Variants in PDXK observed in about 807,000 individuals in gnomAD.
The protein encoded by PDXK is pyridoxal kinase, also known as epididymis secretory sperm binding protein Li 1a.
A neutral mutation model predicts 43.2 loss-of-function variants in PDXK; 15 were observed. The observed-to-expected ratio is 0.35, with a 90% confidence interval of 0.23 to 0.53. PDXK has a LOEUF of 0.53. Among genes scored for constraint, PDXK ranks in the 20% least tolerant of loss-of-function variants. PDXK has a pLI of 0.92. For synonymous variants in PDXK, 172 were observed against 165.4 expected (o/e 1.04, Z -0.31); for missense variants, 343 against 417.0 (o/e 0.82, Z 1.54).
intron 6 of PDXK, among the ~76,000 whole-genome samples, chr21:43,749,296 G>T (rs140056797): frequency 0.022 from 3,422 of 152,170 alleles, 132 homozygotes; most frequent in African/African-American, 0.076. Context: ...GTAGTGACGG[G>T]GTTTCACCAT....
At chr21:43,725,484 C>G (rs1014865460) in intron 1 of PDXK, among the ~76,000 whole-genome samples, 1 of 152,058 alleles carries the variant, frequency 6.6e-6, no homozygotes, top group African/African-American at 2.4e-5. Flanking sequence ...TAACATTTTT[C>G]AAGGTGACAT....
At chr21:43,745,827 T>C in intron 4 of PDXK, 2 of 528,678 alleles carry the variant, frequency 3.8e-6, no homozygotes, top group Non-Finnish European at 6.9e-6. Context: ...TGAGAACCCA[T>C]CTGTACAAAT....
At chr21:43,743,011 C>T (rs944010975) in intron 3 of PDXK, among the ~76,000 whole-genome samples, 4 of 152,258 alleles carry the variant, frequency 2.6e-5, no homozygotes, top group Middle Eastern at 3.4e-3. Context: ...CGGGTCTGCC[C>T]TCCGTGTCTT....
chr21:43,740,350 C>T lies in PDXK; in HGVS notation c.143-1317C>T, dbSNP rs2299808. 7.4e-3 allele frequency among the ~76,000 whole-genome samples: 1,130 copies of T among 152,234 alleles called. 52 individuals are homozygous for T. Among genetic ancestry groups the T allele is most frequent in the Admixed American group, 0.051 (780 of 15,300 alleles). The stretch of plus-strand genomic sequence containing the variant: ...GGGATCTTAGCCACAGGGCATGGCG[C>T]GTGGGCGCAGAGCCGGCCGTGACCC... On this transcript the variant is annotated intron_variant, in intron 2 of 10. Transcript: ENST00000291565.
At chr21:43,736,977 C>A in intron 2 of PDXK, 1 of 702,084 alleles carries the variant, frequency 1.4e-6, no homozygotes, top group South Asian at 1.5e-5. Flanking sequence ...CTCTGTCGCC[C>A]AGGCTGGCGT....
rs367592470 is a variant in PDXK at position 43,756,040 on chromosome 21, G to A, written c.916G>A (p.Val306Ile). ...SKRDIEDPEIVVQATVL is the reference protein window; with the variant it reads ...SKRDIEDPEIIVQATVL ...AAGGGACATCGAGGACCCAGAGATC[G>A]TCGTCCAGGCCACGGTGCTGTGAGG... Residue 306 changes from valine to isoleucine, a missense_variant, in exon 11 of 11, where the codon GTC becomes ATC. Val to Ile is a conservative substitution (Grantham distance 29). Transcript: ENST00000291565. 4.3e-6 allele frequency: 7 copies of A among 1,610,570 alleles called. No homozygotes were observed. The highest frequency in any genetic ancestry group is 2.7e-5 in the African/African-American group (2 of 74,982).
Position 43,741,691 on chromosome 21 carries a change from T to A in PDXK, c.167T>A (p.Val56Glu). 2 of 1,612,876 alleles carry A rather than the reference T, an allele frequency of 1.2e-6. No individual in the cohort carries two copies. Among genetic ancestry groups the A allele is most frequent in the Non-Finnish European group, 1.7e-6 (2 of 1,179,214 alleles). Reference sequence around the variant, plus strand: ...GGCTATGCCCACTGGAAGGGCCAAGTGCTGAATTCAGATGAGCTCCAGGAG... The same window carrying A: ...GGCTATGCCCACTGGAAGGGCCAAGAGCTGAATTCAGATGAGCTCCAGGAG... Reference protein sequence around the residue: ...HTGYAHWKGQVLNSDELQELY... With the variant: ...HTGYAHWKGQELNSDELQELY... The change falls in exon 3 of 11, where the codon GTG (valine) becomes GAG (glutamate). Residue 56 changes from valine (V) to glutamate (E), a missense_variant. Val to Glu is a moderately radical substitution (Grantham distance 121). Coordinates refer to ENST00000291565, the MANE Select transcript of PDXK (RefSeq NM_003681.5).
At chr21:43,731,089 G>C (rs1436917153) in intron 1 of PDXK, among the ~76,000 whole-genome samples, 1 of 152,088 alleles carries the variant, frequency 6.6e-6, no homozygotes, top group Non-Finnish European at 1.5e-5. Flanking sequence ...TCCAGCCTCA[G>C]CCTCCCAAAG....
At position 43,735,370 on chromosome 21, in the gene PDXK, C is replaced by T. The variant is rs1030624849; in HGVS notation, c.142+1247C>T. Among the ~76,000 whole-genome samples, 1 of 152,256 alleles carries T rather than the reference C, an allele frequency of 6.6e-6. No homozygotes were observed. The highest frequency in any genetic ancestry group is 2.4e-5 in the African/African-American group (1 of 41,468). On this transcript the variant is annotated intron_variant, in intron 2 of 10. Coordinates refer to ENST00000291565, the MANE Select transcript of PDXK (RefSeq NM_003681.5). The surrounding 1 kb of genome is among the most constrained non-coding windows in gnomAD (Gnocchi z 5.3). ...AGTGCTGGTTCAACATCCACACCGA[C>T]CCGGCTGCCCTTGCATGGATTCCAG...
intron 1 of PDXK, among the ~76,000 whole-genome samples, chr21:43,727,552 T>A (rs2147212436): frequency 6.6e-6 from 1 of 152,242 alleles, no homozygotes; most frequent in Middle Eastern, 3.4e-3. Flanking sequence ...TCTTGTCCCA[T>A]CTCCTTACCT....
At chr21:43,729,105 G>GCCTCCGCGGCTCTTC (rs1004380467) in intron 1 of PDXK, 29 of 815,348 alleles carry the variant, frequency 3.6e-5, no homozygotes, top group Non-Finnish European at 4.1e-5. Flanking sequence ...CCTGGCTGCG[G>GCCTCCGCGGCTCTTC]CCTCCGCGGC....
At position 43,719,319 on chromosome 21, in the gene PDXK, T is replaced by C. The variant is rs1277241483; in HGVS notation, c.25T>C (p.Ser9Pro). Reference sequence around the variant, plus strand: ...CATGGAGGAGGAGTGCCGGGTGCTCTCCATACAGAGCCACGTCATCCGCGG... The same window carrying C: ...CATGGAGGAGGAGTGCCGGGTGCTCCCCATACAGAGCCACGTCATCCGCGG... MEEECRVL[S>P]IQSHVIRGYV... The change falls in exon 1 of 11, where the codon TCC (serine) becomes CCC (proline). Residue 9 changes from serine to proline, a missense_variant. Physicochemically the swap from Ser to Pro is moderately conservative, Grantham distance 74 (BLOSUM62 -1). Transcript: ENST00000291565. 1 of 1,511,684 alleles carries C rather than the reference T, an allele frequency of 6.6e-7. No homozygotes were observed. Among genetic ancestry groups the C allele is most frequent in the Non-Finnish European group, 8.8e-7 (1 of 1,131,470 alleles). 93.6% of individuals were successfully genotyped at this position (1,511,684 alleles called of 1,614,324 possible). A position where few individuals can be genotyped will look rare whatever the true frequency, so the allele number is the denominator to read the frequency against.
At chr21:43,731,154 T>A (rs1219833100) in intron 1 of PDXK, among the ~76,000 whole-genome samples, 1 of 152,172 alleles carries the variant, frequency 6.6e-6, no homozygotes, top group Non-Finnish European at 1.5e-5. Flanking sequence ...CAGTTTTTAA[T>A]AATGACTCTA....
chr21:43,739,288 G>T (rs1601806312), intron 2 of PDXK, among the ~76,000 whole-genome samples: 1 of 152,178 alleles, frequency 6.6e-6, no homozygotes, highest in Admixed American at 6.5e-5. Flanking sequence ...CTCCCAAACT[G>T]CTGGGATTAC....
chr21:43,741,785 C>G lies in PDXK; in HGVS notation c.247+14C>G. Reference sequence around the variant, plus strand: ...ACGTGCTCACAGGTAGGTGCCGGAGCAAGCTGCCGCAGGGGACTACGCACC... The same window carrying G: ...ACGTGCTCACAGGTAGGTGCCGGAGGAAGCTGCCGCAGGGGACTACGCACC... On this transcript the variant is annotated intron_variant, in intron 3 of 10. Transcript: ENST00000291565. The G allele has an allele frequency of 6.5e-7, 1 of 1,543,888 alleles. No individual in the cohort carries two copies. The highest frequency in any genetic ancestry group is 8.9e-7 in the Non-Finnish European group (1 of 1,120,808).
Position 43,728,625 on chromosome 21 carries a change from A to G in PDXK, c.88-5444A>G, listed in dbSNP as rs528179042. ...TCTGCCTGTCTGCCTCGCTGTGAGC[A>G]GAGTGGGATGCTGCCGATAAGGCGC... is the stretch of plus-strand genomic sequence containing the variant. On this transcript the variant is annotated intron_variant, in intron 1 of 10. Coordinates refer to ENST00000291565, the MANE Select transcript of PDXK (RefSeq NM_003681.5). 1.7e-3 allele frequency: 1,247 copies of G among 713,020 alleles called. 3 individuals carry two copies. The highest frequency in any genetic ancestry group is 2.1e-3 in the Non-Finnish European group (1,216 of 581,572). The allele number at this position is 713,020 out of a possible 1,614,324, so 44.2% of individuals were successfully genotyped here. A position where few individuals can be genotyped will look rare whatever the true frequency, so the allele number is the denominator to read the frequency against.
chr21:43,722,814 T>C (rs1342149918), intron 1 of PDXK, among the ~76,000 whole-genome samples: 6 of 152,208 alleles, frequency 3.9e-5, no homozygotes, highest in Non-Finnish European at 8.8e-5. Flanking sequence ...CATCTTGGAA[T>C]CTTACATCTG....
chr21:43,726,530 C>G (rs912330117), intron 1 of PDXK, among the ~76,000 whole-genome samples: 2 of 152,128 alleles, frequency 1.3e-5, no homozygotes, highest in Non-Finnish European at 2.9e-5. Flanking sequence ...CCCGCCTCGG[C>G]CTTCCAAAGT....
chr21:43,733,837 T>A (rs2083360196), intron 1 of PDXK: 5 of 674,760 alleles, frequency 7.4e-6, no homozygotes, highest in South Asian at 3.8e-5. Context: ...GGCTGGTTGC[T>A]CCCCAGAGAG....
Sources: allele counts gnomAD v4.1 joint callset (sites outside exome capture counted in the v4.1 genomes callset), GRCh38; gene constraint gnomAD v4.1.1; non-coding constraint Gnocchi (gnomAD v3.1); transcripts MANE v1.5; gene names NCBI Gene and HGNC (gene_info 2026-07-23, HGNC 2026-07-21).